ARPP21: variants seen among roughly 807,000 people sequenced by gnomAD.
ARPP21 encodes cAMP regulated phosphoprotein 21.
ARPP21 carries 69 observed loss-of-function variants against 113.2 expected under a neutral mutation model. The observed-to-expected ratio is 0.61, with a 90% confidence interval of 0.50 to 0.74. The LOEUF (loss-of-function observed/expected upper bound fraction) is 0.74, where lower values mean the gene tolerates loss of function less well. ARPP21 is among the 30% of genes least tolerant of loss of function. The probability of loss-of-function intolerance (pLI) is 0.00; values close to 1 mark genes in which losing one functional copy is unlikely to be tolerated. For synonymous variants in ARPP21, 368 were observed against 375.5 expected (o/e 0.98, Z 0.23); for missense variants, 1,070 against 1,037.4 (o/e 1.03, Z -0.43).
At chr3:35,734,251 A>G (rs561888173) in intron 15 of ARPP21, among the ~76,000 whole-genome samples, 99 of 152,330 alleles carry the variant, frequency 6.5e-4, no homozygotes, top group Middle Eastern at 6.8e-3. Flanking sequence ...GAAACACAAG[A>G]AAATTAAAGA....
At position 35,708,965 on chromosome 3, in the gene ARPP21, T is replaced by C. The variant is rs1420869875; in HGVS notation, c.796-4T>C. 3.7e-6 allele frequency: 6 copies of C among 1,609,594 alleles called. No individual in the cohort carries two copies. The highest frequency in any genetic ancestry group is 5.1e-6 in the Non-Finnish European group (6 of 1,176,748). ...AACCCTCCTGATTTCTTTTTTCTGT[T>C]CAGCAAAACAGAATGCATCCATTTA... On this transcript the variant is annotated splice_region_variant and splice_polypyrimidine_tract_variant and intron_variant, in intron 10 of 20. Transcript: ENST00000684406.
intron 11 of ARPP21, among the ~76,000 whole-genome samples, chr3:35,712,818 T>C (rs2091577902): frequency 6.6e-6 from 1 of 152,226 alleles, no homozygotes; most frequent in South Asian, 2.1e-4. Flanking sequence ...AATTCTTTTT[T>C]CCTTTGGCAA....
chr3:35,668,199 A>C (rs1456912153), intron 1 of ARPP21, among the ~76,000 whole-genome samples: 1 of 152,284 alleles, frequency 6.6e-6, no homozygotes, highest in South Asian at 2.1e-4. Flanking sequence ...TCCTAAATAT[A>C]GAAGTGTAAA....
At chr3:35,793,345 G>A (rs1396956452) in intron 20 of ARPP21, among the ~76,000 whole-genome samples, 1 of 152,206 alleles carries the variant, frequency 6.6e-6, no homozygotes, top group Non-Finnish European at 1.5e-5. Flanking sequence ...GAAACCCAGA[G>A]TGGAAGATCT....
chr3:35,696,511 G>T (rs1034540560), intron 9 of ARPP21, among the ~76,000 whole-genome samples: 4 of 151,540 alleles, frequency 2.6e-5, no homozygotes, highest in African/African-American at 9.7e-5. Flanking sequence ...ACTGAGCTGA[G>T]AAGCCCTCCA....
chr3:35,790,727 T>C (rs9848097), intron 19 of ARPP21, among the ~76,000 whole-genome samples: 4,030 of 152,296 alleles, frequency 0.026, 184 homozygotes, highest in African/African-American at 0.088. Flanking sequence ...AAAGGAAGGT[T>C]CTGACTGTCT....
At chr3:35,669,495 A>G (rs757474015) in intron 1 of ARPP21, among the ~76,000 whole-genome samples, 13 of 152,132 alleles carry the variant, frequency 8.5e-5, no homozygotes, top group Non-Finnish European at 1.5e-4. Context: ...CCACATCCAT[A>G]GTTTGGATGT....
rs116123938 is a variant in ARPP21 at position 35,748,678 on chromosome 3, T to G, written c.2137+4713T>G. ...GAAATGAAGTGTTGATGAACAAACATTTCATTCCTTAATGTTTTAAGTTTA... is the reference window on the plus strand; with the variant it reads ...GAAATGAAGTGTTGATGAACAAACAGTTCATTCCTTAATGTTTTAAGTTTA... On this transcript the variant is annotated intron_variant, in intron 19 of 20. Coordinates refer to ENST00000684406, the MANE Select transcript of ARPP21 (RefSeq NM_001385562.1). Among the ~76,000 whole-genome samples the G allele has an allele frequency of 5.8e-3, 881 of 152,348 alleles. 7 individuals carry two copies. The highest frequency in any genetic ancestry group is 0.02 in the African/African-American group (851 of 41,590).
At chr3:35,705,444 G>A (rs575331517) in intron 9 of ARPP21, among the ~76,000 whole-genome samples, 4 of 152,194 alleles carry the variant, frequency 2.6e-5, no homozygotes, top group Admixed American at 6.5e-5. Context: ...TGTCATATTC[G>A]CACTTTCAGG....
At chr3:35,641,574 T>C (rs1378831241) in intron 1 of ARPP21, 2 of 152,208 alleles carry the variant, frequency 1.3e-5, no homozygotes, top group Non-Finnish European at 2.9e-5. Flanking sequence ...CCAAGAGCTC[T>C]ATCTATGTTT....
chr3:35,734,315 T>A (rs1013022621), intron 15 of ARPP21, among the ~76,000 whole-genome samples: 4 of 152,176 alleles, frequency 2.6e-5, no homozygotes, highest in Non-Finnish European at 5.9e-5. Flanking sequence ...TTAAAAATCA[T>A]TTTCCAAATT....
intron 19 of ARPP21, among the ~76,000 whole-genome samples, chr3:35,768,072 G>A (rs899744819): frequency 1.4e-5 from 2 of 143,752 alleles, no homozygotes; most frequent in Non-Finnish European, 3.0e-5. Context: ...AGTGCCCCAT[G>A]CTTTTCCGTG....
chr3:35,668,949 A>G (rs894594743), intron 1 of ARPP21, among the ~76,000 whole-genome samples: 5 of 152,154 alleles, frequency 3.3e-5, no homozygotes, highest in African/African-American at 7.2e-5. Context: ...ATACTTAACT[A>G]TAATTATGAA....
chr3:35,742,207 C>A (rs2150831251), intron 18 of ARPP21, among the ~76,000 whole-genome samples: 1 of 152,182 alleles, frequency 6.6e-6, no homozygotes, highest in Non-Finnish European at 1.5e-5. Context: ...TACATTTAAG[C>A]AAGACAGTCT....
chr3:35,695,748 G>A (rs780033536), intron 9 of ARPP21, among the ~76,000 whole-genome samples: 3 of 151,460 alleles, frequency 2.0e-5, no homozygotes, highest in African/African-American at 4.8e-5. Flanking sequence ...GGCTATAAAC[G>A]AACATAAGAT....
intron 18 of ARPP21, among the ~76,000 whole-genome samples, chr3:35,740,743 G>A (rs2094602772): frequency 6.6e-6 from 1 of 152,046 alleles, no homozygotes; most frequent in South Asian, 2.1e-4. Flanking sequence ...ACTAATTTCT[G>A]CTGTCAAACA....
chr3:35,702,873 T>C (rs1227968335), intron 9 of ARPP21, among the ~76,000 whole-genome samples: 1 of 151,892 alleles, frequency 6.6e-6, no homozygotes, highest in Non-Finnish European at 1.5e-5. Context: ...GTACATACTT[T>C]TAATTGAAAA....
At chr3:35,726,027 T>G in intron 14 of ARPP21, among the ~76,000 whole-genome samples, 1 of 152,174 alleles carries the variant, frequency 6.6e-6, no homozygotes, top group Admixed American at 6.5e-5. Flanking sequence ...AAACTGAGCT[T>G]TGGGAAATTT....
chr3:35,661,707 A>G (rs1180049684), intron 1 of ARPP21, among the ~76,000 whole-genome samples: 1 of 152,224 alleles, frequency 6.6e-6, no homozygotes, highest in African/African-American at 2.4e-5. Flanking sequence ...TGTAGGCAAC[A>G]ATAATACATA....
Sources: allele counts gnomAD v4.1 joint callset (sites outside exome capture counted in the v4.1 genomes callset), GRCh38; gene constraint gnomAD v4.1.1; transcripts MANE v1.5; gene names NCBI Gene and HGNC (gene_info 2026-07-23, HGNC 2026-07-21).